The following ANKRD27 variants were observed in gnomAD, a reference collection of about 807,000 sequenced individuals.
The protein encoded by ANKRD27 is ankyrin repeat domain-containing protein 27.
A neutral mutation model predicts 129.7 loss-of-function variants in ANKRD27; 112 were observed. That is an observed-to-expected ratio of 0.86 (90% CI 0.74 to 1.01). The LOEUF (loss-of-function observed/expected upper bound fraction) is 1.01, where lower values mean the gene tolerates loss of function less well. Among genes scored for constraint, ANKRD27 ranks in the 50% least tolerant of loss-of-function variants. The pLI, the probability that ANKRD27 is intolerant of heterozygous loss-of-function variation, is 0.00. For synonymous variants in ANKRD27, 516 were observed against 511.2 expected, an observed-to-expected ratio of 1.01 and a Z score of -0.13; for missense variants, 1,258 against 1,300.5, an observed-to-expected ratio of 0.97 and a Z score of 0.50.
chr19:32,646,463 ACTCT>A lies in ANKRD27; in HGVS notation c.362_365del (p.Glu121ValfsTer14), dbSNP rs761324354. The A allele has an allele frequency of 6.2e-7, 1 of 1,601,384 alleles. No homozygotes were observed. The highest frequency in any genetic ancestry group is 8.5e-7 in the Non-Finnish European group (1 of 1,176,234). On this transcript the variant is annotated frameshift_variant, in exon 4 of 29. Transcript: ENST00000306065. LOFTEE classifies it high-confidence loss of function. Reference sequence around the variant, plus strand: ...AGGTTTTTTCTCCCAGAATACCTGAACTCTCTCTCTTTTCCAAAGGATGGGCTAT... The same window carrying A: ...AGGTTTTTTCTCCCAGAATACCTGAACTCTCTTTTCCAAAGGATGGGCTAT...
intron 15 of ANKRD27, 119 bp downstream of exon 15, chr19:32,627,964 C>A (rs931303267): frequency 2.3e-6 from 2 of 878,838 alleles, no homozygotes; most frequent in East Asian, 2.4e-5. Flanking sequence ...GGTGGACCCA[C>A]GATGCAGCCC....
In ANKRD27 at chr19:32,626,713, G is replaced by A. The variant is rs1334044502; in HGVS notation, c.1535C>T (p.Thr512Met). ...CGCCACAAAGGCACCACTGCTCACC[G>A]TCACGCTCTGGTAGCCCTTCTGACA... ...LACQKGYQSV[T>M]LLLLHYKASA... The change falls in exon 16 of 29, where the codon ACG becomes ATG. Residue 512 changes from threonine to methionine, a missense_variant and splice_region_variant. Transcript: ENST00000306065. The A allele has an allele frequency of 5.0e-6, 8 of 1,602,804 alleles. No individual in the cohort carries two copies. The highest frequency in any genetic ancestry group is 1.7e-4 in the Middle Eastern group (1 of 5,978).
At chr19:32,653,113 G>A (rs898787775) in intron 2 of ANKRD27, among the ~76,000 whole-genome samples, 1 of 152,154 alleles carries the variant, frequency 6.6e-6, no homozygotes, top group Non-Finnish European at 1.5e-5. Flanking sequence ...CCCTGAAGGC[G>A]TGCCAAGTTC....
At chr19:32,606,596 G>GTGACAGTGATCTCACTTCACC (rs879561156) in intron 23 of ANKRD27, among the ~76,000 whole-genome samples, 1 of 151,232 alleles carries the variant, frequency 6.6e-6, no homozygotes, top group Non-Finnish European at 1.5e-5. Context: ...GATGTGCTGG[G>GTGACAGTGATCTCACTTCACC]CGACAGTGAT....
At chr19:32,661,654 T>A (rs114027253) in intron 1 of ANKRD27, among the ~76,000 whole-genome samples, 1 of 152,124 alleles carries the variant, frequency 6.6e-6, no homozygotes, top group African/African-American at 2.4e-5. Flanking sequence ...GAAGTTTTGA[T>A]GTGAATGGAC....
intron 15 of ANKRD27, among the ~76,000 whole-genome samples, chr19:32,627,817 C>A (rs1182431478): frequency 6.6e-6 from 1 of 152,264 alleles, no homozygotes; most frequent in South Asian, 2.1e-4. Context: ...TTGCTGGGCC[C>A]CCAGCCTGCG....
chr19:32,627,977 A>T, intron 15 of ANKRD27, 106 bp downstream of exon 15: 1 of 1,036,450 alleles, frequency 9.6e-7, no homozygotes, highest in Non-Finnish European at 1.5e-6. Flanking sequence ...TGCAGCCCCA[A>T]CTGCCAACCC....
Position 32,598,103 on chromosome 19 carries a change from T to A in ANKRD27, c.*42A>T, listed in dbSNP as rs1276039678. ...TCACGCTCAGCATCATCTTGTTGCATCCTTGCTTCCTAGCAGTGGGTTCAA... is the reference window on the plus strand; with the variant it reads ...TCACGCTCAGCATCATCTTGTTGCAACCTTGCTTCCTAGCAGTGGGTTCAA... On this transcript the variant is annotated 3_prime_UTR_variant, in exon 29 of 29. Transcript: ENST00000306065. 2 of 1,565,826 alleles carry A rather than the reference T, an allele frequency of 1.3e-6. No homozygotes were observed. Among genetic ancestry groups the A allele is most frequent in the African/African-American group, 2.7e-5 (2 of 73,992 alleles).
In ANKRD27 at chr19:32,598,165, C is replaced by T; in HGVS notation, c.3133G>A (p.Val1045Ile). The T allele has an allele frequency of 6.2e-7, 1 of 1,614,184 alleles. No homozygotes were observed. Among genetic ancestry groups the T allele is most frequent in the Middle Eastern group, 1.6e-4 (1 of 6,062 alleles). Residue 1045 changes from valine to isoleucine, a missense_variant, in exon 29 of 29, where the codon GTT becomes ATT. By Grantham distance (29) the Val-to-Ile change is conservative. Transcript: ENST00000306065. ...AAGPLSTPQE[V>I]SASRS ...TCCTGTTAGGACCGGGAAGCACTAA[C>T]CTCTTGGGGAGTGGAGAGGGGGCCA...
intron 18 of ANKRD27, among the ~76,000 whole-genome samples, chr19:32,620,761 C>A (rs1971997091): frequency 6.6e-6 from 1 of 151,790 alleles, no homozygotes; most frequent in African/African-American, 2.4e-5. Flanking sequence ...GTGGCGCATG[C>A]CTGTAGTCCC....
At chr19:32,608,257 C>A in intron 22 of ANKRD27, 1 of 245,336 alleles carries the variant, frequency 4.1e-6, no homozygotes, top group South Asian at 4.6e-5. Context: ...GTGGTCCTCC[C>A]ACCTCAGCCT....
At chr19:32,617,349 G>C (rs1253199117) in intron 21 of ANKRD27, among the ~76,000 whole-genome samples, 1 of 152,112 alleles carries the variant, frequency 6.6e-6, no homozygotes, top group African/African-American at 2.4e-5. Flanking sequence ...TTCAAGATCA[G>C]ACTGGGCAAT....
rs1568405389 is a variant in ANKRD27, at chr19:32,627,402, ATTT to A, written c.1421-578_1421-576del. Among the ~76,000 whole-genome samples, 26 of 29,400 alleles carry A rather than the reference ATTT, an allele frequency of 8.8e-4. 2 individuals carry two copies. Among genetic ancestry groups the A allele is most frequent in the Admixed American group, 2.4e-3 (9 of 3,682 alleles). The allele number at this position is 29,400 out of a possible 152,430, so 19.3% of individuals were successfully genotyped here. A position where few individuals can be genotyped will look rare whatever the true frequency, so the allele number is the denominator to read the frequency against. On this transcript the variant is annotated intron_variant, in intron 15 of 28. Transcript: ENST00000306065. ...TATTTATTTATTTATTTATTTATTT[ATTT>A]ATTTATTTTTTGAGACAGAGTCTCA...
chr19:32,668,277 T>TA (rs1430259584), intron 1 of ANKRD27, among the ~76,000 whole-genome samples: 3 of 152,050 alleles, frequency 2.0e-5, no homozygotes, highest in African/African-American at 7.2e-5. Flanking sequence ...CTTAGCCTCC[T>TA]AAAGTGCCAC....
At chr19:32,648,898 T>G (rs1967355918) in intron 3 of ANKRD27, among the ~76,000 whole-genome samples, 1 of 151,862 alleles carries the variant, frequency 6.6e-6, no homozygotes, top group South Asian at 2.1e-4. Context: ...GGAAGCACAT[T>G]TAAGAGTTTT....
intron 1 of ANKRD27, among the ~76,000 whole-genome samples, chr19:32,669,106 CAGCCTAAG>C (rs1967817368): frequency 1.3e-5 from 2 of 152,176 alleles, no homozygotes; most frequent in African/African-American, 4.8e-5. Flanking sequence ...CAACCATGCC[CAGCCTAAG>C]AGTCATATTT....
intron 13 of ANKRD27, among the ~76,000 whole-genome samples, chr19:32,630,820 C>T (rs141903487): frequency 1.3e-5 from 2 of 152,000 alleles, no homozygotes; most frequent in Non-Finnish European, 2.9e-5. Context: ...TTTGTAGAGA[C>T]GGGTACTCAT....
intron 12 of ANKRD27, chr19:32,638,132 C>T (rs2161458): frequency 0.56 from 85,486 of 152,218 alleles, 24,162 homozygotes; most frequent in East Asian, 0.62. Context: ...GCCTGGGGGC[C>T]GGGCTGTCAG....
rs747153100 is a variant in ANKRD27 at position 32,649,802 on chromosome 19, A to G, written c.103-10T>C. Reference sequence around the variant, plus strand: ...TGCAGGGTACTAAGACCTGGAAAAAACAATTCGGGGCAACATTAGACAGAC... The same window carrying G: ...TGCAGGGTACTAAGACCTGGAAAAAGCAATTCGGGGCAACATTAGACAGAC... On this transcript the variant is annotated splice_polypyrimidine_tract_variant and intron_variant, in intron 2 of 28. Transcript: ENST00000306065. The G allele has an allele frequency of 6.3e-7, 1 of 1,575,676 alleles. No homozygotes were observed. The highest frequency in any genetic ancestry group is 8.7e-7 in the Non-Finnish European group (1 of 1,144,948).
Sources: allele counts gnomAD v4.1 joint callset (sites outside exome capture counted in the v4.1 genomes callset), GRCh38; gene constraint gnomAD v4.1.1; transcripts MANE v1.5; gene names NCBI Gene and HGNC (gene_info 2026-07-23, HGNC 2026-07-21).